The following DUOX1 variants were observed in gnomAD, a reference collection of about 807,000 sequenced individuals.
DUOX1 encodes dual oxidase 1, also known as NADPH thyroid oxidase 1.
DUOX1 carries 134 observed loss-of-function variants against 181.8 expected under a neutral mutation model. The observed-to-expected ratio is 0.74, with a 90% CI of 0.64 to 0.85. The LOEUF is 0.85. DUOX1 is among the 40% of genes least tolerant of loss of function. The pLI is 0.00. For synonymous variants in DUOX1, 798 were observed against 832.5 expected (o/e 0.96, Z 0.71); for missense variants, 1,814 against 2,064.4 (o/e 0.88, Z 2.35).
chr15:45,142,767 A>AGAAGGAAGGAAGGAGG (rs1896536357), intron 15 of DUOX1, among the ~76,000 whole-genome samples: 1 of 115,160 alleles, frequency 8.7e-6, no homozygotes, highest in Non-Finnish European at 1.9e-5. Context: ...AAGGAAGGAA[A>AGAAGGAAGGAAGGAGG]GAAGGAAGGA....
Position 45,139,618 on chromosome 15 carries a change from C to A in DUOX1, c.1389+19C>A. 6.5e-7 allele frequency: 1 copy of A among 1,545,966 alleles called. No individual in the cohort carries two copies. Among genetic ancestry groups the A allele is most frequent in the Non-Finnish European group, 8.7e-7 (1 of 1,147,318 alleles). ...TGACACTGTGAGGAGGGGTCAGGAC[C>A]CAGAGGGTAGGGCGGGAGGGACAAG... On this transcript the variant is annotated intron_variant, in intron 12 of 33. Coordinates refer to ENST00000389037, the MANE Select transcript of DUOX1 (RefSeq NM_175940.3).
rs747868839 is a variant in DUOX1, at chr15:45,144,994, C to T, written c.2236C>T (p.Arg746Trp). The change falls in exon 18 of 34, where the codon CGG (arginine) becomes TGG (tryptophan). Residue 746 changes from arginine to tryptophan, a missense_variant. Physicochemically the swap from Arg to Trp is moderately radical, Grantham distance 101. This residue lies in a region of DUOX1 where 1,064 missense variants were observed against 1,152.9 expected (regional missense o/e 0.92). Transcript: ENST00000389037. ...SGLSIQEWEL[R>W]EQELMRAAVT... Reference sequence around the variant, plus strand: ...GTTGAGCATCCAGGAGTGGGAGCTGCGGGAGCAGGAGCTGATGAGAGCAGC... The same window carrying T: ...GTTGAGCATCCAGGAGTGGGAGCTGTGGGAGCAGGAGCTGATGAGAGCAGC... The T allele has an allele frequency of 8.1e-6, 13 of 1,614,110 alleles. No homozygotes were observed. Among genetic ancestry groups the T allele is most frequent in the South Asian group, 7.7e-5 (7 of 91,062 alleles).
chr15:45,154,557 A>G lies in DUOX1; in HGVS notation c.3574+557A>G, dbSNP rs145281724. Among the ~76,000 whole-genome samples the G allele has an allele frequency of 6.3e-4, 93 of 148,650 alleles. 1 individual carries two copies. The East Asian group carries it at 0.018, about 28-fold the overall frequency. On this transcript the variant is annotated intron_variant, in intron 27 of 33. Transcript: ENST00000389037. ...GTCTGTTCCTTCCTTGGAGTAACAT[A>G]ATTTCTATACTGGCTCCTCTCTGTG... is the stretch of plus-strand genomic sequence containing the variant.
rs1283499337 is a variant in DUOX1, at chr15:45,133,853, T to C, written c.59-11T>C. 6.2e-7 allele frequency: 1 copy of C among 1,612,840 alleles called. No individual in the cohort carries two copies. The highest frequency in any genetic ancestry group is 1.7e-5 in the Admixed American group (1 of 59,948). On this transcript the variant is annotated splice_polypyrimidine_tract_variant and intron_variant, in intron 2 of 33. Coordinates refer to ENST00000389037, the MANE Select transcript of DUOX1 (RefSeq NM_175940.3). The stretch of plus-strand genomic sequence containing the variant: ...CTTGCCCAGCTGCCCCTTCCCTCCA[T>C]TCTCACACAGGAGCTCAGAACCCCA...
rs754732511 is a variant in DUOX1 at position 45,150,673 on chromosome 15, G to A, written c.2860G>A (p.Ala954Thr). The A allele has an allele frequency of 1.5e-5, 25 of 1,613,958 alleles. No homozygotes were observed. The highest frequency in any genetic ancestry group is 1.9e-5 in the Non-Finnish European group (23 of 1,180,044). Residue 954 changes from alanine (A) to threonine (T), a missense_variant, in exon 22 of 34, where the codon GCC (alanine) becomes ACC (threonine). By Grantham distance (58) the Ala-to-Thr change is moderately conservative (BLOSUM62 0). Coordinates refer to ENST00000389037, the MANE Select transcript of DUOX1 (RefSeq NM_175940.3). Reference sequence around the variant, plus strand: ...AGTCATCAAGGACCTCTGCCGGCGAGCCTCCTACATCAGCCAGGATATGAT... The same window carrying A: ...AGTCATCAAGGACCTCTGCCGGCGAACCTCCTACATCAGCCAGGATATGAT... ...PEVIKDLCRR[A>T]SYISQDMICP... is the part of the protein sequence containing the mutation.
At chr15:45,138,078 A>ATGTGTG (rs72204897) in intron 10 of DUOX1, 64 bp downstream of exon 10, 161,196 of 544,944 alleles carry the variant, frequency 0.3, 14,741 homozygotes, top group Middle Eastern at 0.35. Flanking sequence ...GTGTGTGTGT[A>ATGTGTG]TGTGTGTGTG....
intron 12 of DUOX1, chr15:45,139,857 T>G (rs1706765): frequency 0.97 from 570,368 of 588,190 alleles, 277,536 homozygotes; most frequent in Non-Finnish European, 1. Flanking sequence ...CACTTAATAG[T>G]CACTATCTTA....
rs1352058102 is a variant in DUOX1 at position 45,160,924 on chromosome 15, A to G, written c.3790A>G (p.Lys1264Glu). 2.5e-6 allele frequency: 4 copies of G among 1,614,026 alleles called. No homozygotes were observed. The highest frequency in any genetic ancestry group is 3.4e-6 in the Non-Finnish European group (4 of 1,180,016). Residue 1264 changes from lysine to glutamate, a missense_variant, in exon 29 of 34, where the codon AAG becomes GAG. Lys to Glu is a moderately conservative substitution (Grantham distance 56, BLOSUM62 1). Coordinates refer to ENST00000389037, the MANE Select transcript of DUOX1 (RefSeq NM_175940.3). ...CCCAGCAATCATCTATGGGGGCGAC[A>G]AGCTGGTGAGCCTGAGCCGGAAGAA... ...LVPAIIYGGD[K>E]LVSLSRKKVE...
chr15:45,155,542 C>G (rs1268761036), intron 27 of DUOX1: 1 of 431,194 alleles, frequency 2.3e-6, no homozygotes, highest in African/African-American at 2.1e-5. Context: ...CTCCAGGGAG[C>G]CTGGGTAACA....
chr15:45,143,643 A>C (rs1896566207), intron 16 of DUOX1, among the ~76,000 whole-genome samples: 1 of 152,240 alleles, frequency 6.6e-6, no homozygotes, highest in African/African-American at 2.4e-5. Flanking sequence ...GTCCAGAGTC[A>C]GACTGGGATT....
intron 28 of DUOX1, among the ~76,000 whole-genome samples, chr15:45,159,485 A>G (rs1016725743): frequency 2.1e-4 from 32 of 152,130 alleles, no homozygotes; most frequent in African/African-American, 7.7e-4. Flanking sequence ...TATTTTACCC[A>G]TTTGTGGGGC....
intron 19 of DUOX1, 80 bp from the exon 20 acceptor site, chr15:45,147,823 TG>T (rs1896693938): frequency 7.3e-6 from 11 of 1,501,040 alleles, no homozygotes; most frequent in Non-Finnish European, 1.0e-5. Flanking sequence ...GTCATCACAC[TG>T]GTGTGAGGCC....
rs111696606 is a variant in DUOX1 at position 45,132,014 on chromosome 15, G to C, written c.48G>C (p.Trp16Cys). The C allele has an allele frequency of 1.0e-4, 169 of 1,612,660 alleles. 1 individual carries two copies. In the African/African-American group the frequency reaches 1.9e-3, roughly 18 times the overall value. ...CATGGACACTTCTGGTTGGGGCATG[G>C]ACCCCTCTGGGTGAGTACAGATTGG... is the stretch of plus-strand genomic sequence containing the variant. Reference protein sequence around the residue: ...ALAWTLLVGAWTPLGAQNPIS... With the variant: ...ALAWTLLVGACTPLGAQNPIS... The change falls in exon 2 of 34, where the codon TGG (tryptophan) becomes TGC (cysteine). Residue 16 changes from tryptophan (W) to cysteine (C), a missense_variant. By Grantham distance (215) the Trp-to-Cys change is radical. This residue lies in a region of DUOX1 where 320 missense variants were observed against 313.1 expected (regional missense o/e 1.02). Transcript: ENST00000389037.
In DUOX1 at chr15:45,135,837, C is replaced by T. The variant is rs1896297091; in HGVS notation, c.753C>T (p.Leu251=). 15 of 1,421,742 alleles carry T rather than the reference C, an allele frequency of 1.1e-5. No homozygotes were observed. Among genetic ancestry groups the T allele is most frequent in the Non-Finnish European group, 1.4e-5 (15 of 1,053,172 alleles). The allele number at this position is 1,421,742 out of a possible 1,614,324, so 88.1% of individuals were successfully genotyped here. The part of the protein sequence containing the change: ...REPFLQALGL[L]WFRYHNLWAQ... ...CCTTCCTGCAGGCGCTGGGCCTGCT[C>T]TGGTTCCGCTACCACAACCTGTGGG... The change falls in exon 7 of 34, where the codon CTC becomes CTT. Residue 251 remains leucine (L), a synonymous_variant. Transcript: ENST00000389037.
intron 21 of DUOX1, 67 bp from the exon 22 acceptor site, chr15:45,150,565 G>A: frequency 6.9e-7 from 1 of 1,451,192 alleles, no homozygotes; most frequent in Non-Finnish European, 9.7e-7. Flanking sequence ...GGAGTGCTGT[G>A]CGTTTGAGCC....
intron 19 of DUOX1, 110 bp downstream of exon 19, chr15:45,147,768 G>A: frequency 1.3e-6 from 2 of 1,555,762 alleles, no homozygotes; most frequent in South Asian, 1.1e-5. Flanking sequence ...AAGTGCCCAG[G>A]CCGAGGTCAG....
chr15:45,142,191 C>T (rs893144790), intron 15 of DUOX1, 79 bp downstream of exon 15: 2 of 1,427,930 alleles, frequency 1.4e-6, no homozygotes, highest in African/African-American at 2.8e-5. Flanking sequence ...CTAATGACAA[C>T]AAACCACGCA....
chr15:45,163,198 G>T (rs1897148918), intron 31 of DUOX1, among the ~76,000 whole-genome samples: 1 of 152,190 alleles, frequency 6.6e-6, no homozygotes, highest in South Asian at 2.1e-4. Context: ...TTAGCCACTA[G>T]GTGCCTGGCA....
intron 15 of DUOX1, 136 bp from the exon 16 acceptor site, chr15:45,143,054 A>G: frequency 1.5e-6 from 1 of 663,212 alleles, no homozygotes. Flanking sequence ...GGACCTTCCC[A>G]ATCTGAAACA....
Sources: allele counts gnomAD v4.1 joint callset (sites outside exome capture counted in the v4.1 genomes callset), GRCh38; gene constraint gnomAD v4.1.1; regional missense constraint gnomAD v4.1.1; transcripts MANE v1.5; gene names NCBI Gene and HGNC (gene_info 2026-07-23, HGNC 2026-07-21).